The following IGF1R variants were observed in gnomAD, a reference collection of about 807,000 sequenced individuals.
IGF1R encodes insulin like growth factor 1 receptor.
A neutral mutation model predicts 144.6 loss-of-function variants in IGF1R; 44 were observed. The ratio of observed to expected loss-of-function variants is 0.30; its 90% confidence interval spans 0.24 to 0.39. The LOEUF (loss-of-function observed/expected upper bound fraction) is 0.39, where lower values mean the gene tolerates loss of function less well. IGF1R is among the 10% of genes least tolerant of loss of function. The pLI is 1.00. For missense variants in IGF1R, 1,355 were observed against 1,833.7 expected (o/e 0.74, Z 4.77); for synonymous variants, 795 against 722.8 (o/e 1.10, Z -1.60).
chr15:98,956,556 A>G (rs2016992966), intron 20 of IGF1R, among the ~76,000 whole-genome samples: 1 of 152,182 alleles, frequency 6.6e-6, no homozygotes, highest in African/African-American at 2.4e-5. Context: ...GCCCTGCACC[A>G]GGAGGAAGCT....
At chr15:98,827,875 C>A (rs1459635469) in intron 2 of IGF1R, among the ~76,000 whole-genome samples, 2 of 152,194 alleles carry the variant, frequency 1.3e-5, no homozygotes, top group African/African-American at 4.8e-5. Context: ...GCCACCGCGC[C>A]CGGCCTAAGA....
intron 2 of IGF1R, among the ~76,000 whole-genome samples, chr15:98,858,505 C>T (rs1294806894): frequency 6.6e-6 from 1 of 152,196 alleles, no homozygotes; most frequent in Non-Finnish European, 1.5e-5. Context: ...ATATTTCCAA[C>T]TTAATCCTCC....
chr15:98,696,365 C>A (rs2053598278), intron 1 of IGF1R, among the ~76,000 whole-genome samples: 1 of 152,180 alleles, frequency 6.6e-6, no homozygotes, highest in Non-Finnish European at 1.5e-5. Flanking sequence ...CACTAGAGAC[C>A]TTCCTTGGTC....
At chr15:98,845,325 G>A (rs1409041403) in intron 2 of IGF1R, among the ~76,000 whole-genome samples, 1 of 151,966 alleles carries the variant, frequency 6.6e-6, no homozygotes, top group Non-Finnish European at 1.5e-5. Flanking sequence ...TGGAATCTGA[G>A]TCAGTCGGGC....
chr15:98,698,336 G>A (rs550655617), intron 1 of IGF1R, among the ~76,000 whole-genome samples: 153 of 152,174 alleles, frequency 1.0e-3, no homozygotes, highest in Non-Finnish European at 1.9e-3. Flanking sequence ...CACGCCCACC[G>A]GCCTCCCATC....
In IGF1R at chr15:98,749,151, T is replaced by C. The variant is rs146089120; in HGVS notation, c.640+41044T>C. On this transcript the variant is annotated intron_variant, in intron 2 of 20. Transcript: ENST00000650285. ...TTAGGTAGGCTTAGCATAGTTGCAG[T>C]AGAATTTAATAAATCCTTTTTTTTT... 4.4e-3 allele frequency among the ~76,000 whole-genome samples: 579 copies of C among 132,662 alleles called. 5 individuals are homozygous for C. Among genetic ancestry groups the C allele is most frequent in the African/African-American group, 0.015 (552 of 35,638 alleles). The allele number at this position is 132,662 out of a possible 152,430, so 87.0% of individuals were successfully genotyped here. A position where few individuals can be genotyped will look rare whatever the true frequency, so the allele number is the denominator to read the frequency against.
intron 2 of IGF1R, among the ~76,000 whole-genome samples, chr15:98,725,493 T>C (rs1596237578): frequency 6.6e-6 from 1 of 152,162 alleles, no homozygotes; most frequent in African/African-American, 2.4e-5. Context: ...ACAGTGCTTC[T>C]CCAACTCCTG....
chr15:98,941,077 G>GA (rs979165316), intron 18 of IGF1R, among the ~76,000 whole-genome samples: 1 of 152,228 alleles, frequency 6.6e-6, no homozygotes, highest in African/African-American at 2.4e-5. Context: ...GTGCAGGGGG[G>GA]AGCCAGGTGG....
rs1406905821 is a variant in IGF1R at position 98,889,535 on chromosome 15, T to C, written c.641-1790T>C. Reference sequence around the variant, plus strand: ...TATAATTGGGGACAGGTGTAACTTATGATACATTCCACAATGGAGTGTAAT... The same window carrying C: ...TATAATTGGGGACAGGTGTAACTTACGATACATTCCACAATGGAGTGTAAT... On this transcript the variant is annotated intron_variant, in intron 2 of 20. Coordinates refer to ENST00000650285, the MANE Select transcript of IGF1R (RefSeq NM_000875.5). Among the ~76,000 whole-genome samples, 3 of 152,246 alleles carry C rather than the reference T, an allele frequency of 2.0e-5. 1 individual carries two copies. In the East Asian group the frequency reaches 5.8e-4, roughly 29 times the overall value.
chr15:98,835,101 A>ACCCCCCTACACC (rs2057072379), intron 2 of IGF1R, among the ~76,000 whole-genome samples: 1 of 149,276 alleles, frequency 6.7e-6, no homozygotes, highest in Non-Finnish European at 1.5e-5. Flanking sequence ...ACACACACAC[A>ACCCCCCTACACC]CACACACACC....
chr15:98,944,247 T>C (rs1053971660), intron 19 of IGF1R, among the ~76,000 whole-genome samples: 1 of 152,210 alleles, frequency 6.6e-6, no homozygotes, highest in African/African-American at 2.4e-5. Context: ...GATAAAGTGT[T>C]GTTCATATCT....
At chr15:98,848,913 T>C (rs1368110985) in intron 2 of IGF1R, among the ~76,000 whole-genome samples, 1 of 152,190 alleles carries the variant, frequency 6.6e-6, no homozygotes, top group Non-Finnish European at 1.5e-5. Context: ...TATTAAAAGA[T>C]ACAGAAGACA....
intron 18 of IGF1R, among the ~76,000 whole-genome samples, chr15:98,941,310 G>A (rs2684795): frequency 0.19 from 29,596 of 152,088 alleles, 3,059 homozygotes; most frequent in Middle Eastern, 0.28. Flanking sequence ...CCACCCTCCG[G>A]GCACATGGGG....
chr15:98,725,628 C>G (rs533188353), intron 2 of IGF1R, among the ~76,000 whole-genome samples: 24 of 152,296 alleles, frequency 1.6e-4, no homozygotes, highest in African/African-American at 5.5e-4. Flanking sequence ...GATCAAGATC[C>G]TTGTACCAGT....
chr15:98,859,978 C>T (rs1016305237), intron 2 of IGF1R, among the ~76,000 whole-genome samples: 13 of 152,064 alleles, frequency 8.5e-5, no homozygotes, highest in Admixed American at 1.3e-4. Flanking sequence ...TGCAGTGACG[C>T]GATCTCGGCT....
chr15:98,669,660 G>A (rs935090604), intron 1 of IGF1R, among the ~76,000 whole-genome samples: 1 of 152,158 alleles, frequency 6.6e-6, no homozygotes, highest in African/African-American at 2.4e-5. Context: ...TCCCATTAGG[G>A]CAGTGGGTGA....
At chr15:98,667,240 T>G (rs921891191) in intron 1 of IGF1R, among the ~76,000 whole-genome samples, 1 of 152,218 alleles carries the variant, frequency 6.6e-6, no homozygotes, top group African/African-American at 2.4e-5. Flanking sequence ...GTGTAATTGC[T>G]TTTTCATTTT....
intron 2 of IGF1R, among the ~76,000 whole-genome samples, chr15:98,873,064 C>T (rs1700780472): frequency 6.6e-6 from 1 of 152,162 alleles, no homozygotes; most frequent in African/African-American, 2.4e-5. Flanking sequence ...TGAAGGCAAG[C>T]CAAGGATGTC....
chr15:98,790,604 G>A (rs1158275147), intron 2 of IGF1R, among the ~76,000 whole-genome samples: 1 of 152,142 alleles, frequency 6.6e-6, no homozygotes, highest in African/African-American at 2.4e-5. Flanking sequence ...CTGCTCCATG[G>A]TCTCTTCCCA....
Sources: gnomAD v4.1 joint callset for allele counts (sites outside exome capture counted in the v4.1 genomes callset) on GRCh38, gnomAD v4.1.1 for gene constraint, MANE v1.5 for transcripts, NCBI Gene and HGNC (gene_info 2026-07-23, HGNC 2026-07-21) for gene names.